DLGAP2: variants seen among roughly 807,000 people sequenced by gnomAD.
The protein encoded by DLGAP2 is disks large-associated protein 2.
DLGAP2 carries 26 observed loss-of-function variants against 100.3 expected under a neutral mutation model. The ratio of observed to expected loss-of-function variants is 0.26; its 90% CI spans 0.19 to 0.36. The LOEUF (loss-of-function observed/expected upper bound fraction) is 0.36, where lower values mean the gene tolerates loss of function less well. DLGAP2 is among the 10% of genes least tolerant of loss of function. The pLI is 1.00. For synonymous variants in DLGAP2, 886 were observed against 630.1 expected (o/e 1.41, Z -6.08); for missense variants, 1,858 against 1,453.2 (o/e 1.28, Z -4.53).
chr8:942,204 C>T (rs916733727), intron 2 of DLGAP2, among the ~76,000 whole-genome samples: 2 of 152,172 alleles, frequency 1.3e-5, no homozygotes, highest in African/African-American at 4.8e-5. Flanking sequence ...CTATTTCAGC[C>T]TTCCAAAGTG....
At chr8:1,699,816 G>T (rs1799517473) in intron 14 of DLGAP2, among the ~76,000 whole-genome samples, 1 of 152,124 alleles carries the variant, frequency 6.6e-6, no homozygotes. Context: ...CACACCCACA[G>T]GCCTGGAAGC....
At chr8:1,570,083 G>C (rs150752405) in intron 6 of DLGAP2, among the ~76,000 whole-genome samples, 34 of 152,376 alleles carry the variant, frequency 2.2e-4, no homozygotes, top group African/African-American at 7.9e-4. Flanking sequence ...GGAAACAAGG[G>C]CACGCTGAGC....
At chr8:1,446,961 G>A (rs1797999709) in intron 3 of DLGAP2, among the ~76,000 whole-genome samples, 1 of 152,306 alleles carries the variant, frequency 6.6e-6, no homozygotes, top group Admixed American at 6.5e-5. Context: ...AGACTTTGCT[G>A]AAGTTGCTTA....
rs143830883 is a variant in DLGAP2 at position 958,907 on chromosome 8, T to A, written c.73+50941T>A. 7.2e-5 allele frequency among the ~76,000 whole-genome samples: 11 copies of A among 152,258 alleles called. No homozygotes were observed. In the East Asian group the frequency reaches 1.9e-3, roughly 27 times the overall value. On this transcript the variant is annotated intron_variant, in intron 2 of 14. Coordinates refer to ENST00000637795, the MANE Select transcript of DLGAP2 (RefSeq NM_001346810.2). ...CAAACTATGCAATGAGAACATAAGG[T>A]GGCTTGATATGATTTTATTAAAGAA...
intron 3 of DLGAP2, among the ~76,000 whole-genome samples, chr8:1,320,526 G>A (rs1276262870): frequency 1.3e-5 from 2 of 152,186 alleles, no homozygotes; most frequent in Non-Finnish European, 2.9e-5. Flanking sequence ...GCACAGAGCC[G>A]TGGGTCCCAC....
intron 4 of DLGAP2, among the ~76,000 whole-genome samples, chr8:1,538,153 C>A (rs1801220091): frequency 6.6e-6 from 1 of 152,190 alleles, no homozygotes; most frequent in African/African-American, 2.4e-5. Flanking sequence ...TCAGTCCTCC[C>A]TGCATTCCCT....
chr8:859,094 A>C (rs116037075), intron 1 of DLGAP2, among the ~76,000 whole-genome samples: 1 of 149,084 alleles, frequency 6.7e-6, no homozygotes. Context: ...TGAGACATAG[A>C]CCAGCCCCAC....
intron 6 of DLGAP2, among the ~76,000 whole-genome samples, chr8:1,593,649 G>A (rs1196023060): frequency 6.6e-6 from 1 of 151,920 alleles, no homozygotes; most frequent in African/African-American, 2.4e-5. Flanking sequence ...CCCAGGGGAG[G>A]GAAGGATCAG....
chr8:1,406,929 G>A (rs1187094825), intron 3 of DLGAP2, among the ~76,000 whole-genome samples: 1 of 40,738 alleles, frequency 2.5e-5, no homozygotes, highest in African/African-American at 1.5e-4. Context: ...CTCCGGAGTC[G>A]TGTATTGAGT....
At chr8:1,037,000 A>G (rs1410537640) in intron 2 of DLGAP2, among the ~76,000 whole-genome samples, 1 of 152,040 alleles carries the variant, frequency 6.6e-6, no homozygotes, top group Non-Finnish European at 1.5e-5. Flanking sequence ...CTCCTGAGCC[A>G]GTGACTGGGG....
At chr8:1,296,869 G>A (rs1055300558) in intron 3 of DLGAP2, among the ~76,000 whole-genome samples, 2 of 152,172 alleles carry the variant, frequency 1.3e-5, no homozygotes, top group African/African-American at 4.8e-5. Flanking sequence ...GTTTCATGCG[G>A]GGCTCAGAAA....
At chr8:1,149,257 C>T (rs10105564) in intron 2 of DLGAP2, among the ~76,000 whole-genome samples, 99,849 of 151,956 alleles carry the variant, frequency 0.66, 34,529 homozygotes, top group Non-Finnish European at 0.78. Flanking sequence ...GCCATTCTCC[C>T]GCCTCAGCCT....
intron 2 of DLGAP2, among the ~76,000 whole-genome samples, chr8:954,424 G>C (rs766606544): frequency 6.6e-6 from 1 of 152,102 alleles, no homozygotes; most frequent in Admixed American, 6.6e-5. Flanking sequence ...AAATGTTCAC[G>C]GACGCAGTAT....
At position 808,536 on chromosome 8, in the gene DLGAP2, C is replaced by T. The variant is rs1796310555; in HGVS notation, c.18+70711C>T. 5.9e-5 allele frequency among the ~76,000 whole-genome samples: 9 copies of T among 152,180 alleles called. 1 individual carries two copies. The highest frequency in any genetic ancestry group is 5.9e-4 in the Admixed American group (9 of 15,282). ...GATTCCTTCCTCATCTGAATGGAAC[C>T]ACAGAAACTGAAGGGTGGGGTTGGT... is the stretch of plus-strand genomic sequence containing the variant. On this transcript the variant is annotated intron_variant, in intron 1 of 14. Coordinates refer to ENST00000637795, the MANE Select transcript of DLGAP2 (RefSeq NM_001346810.2).
At chr8:1,588,168 G>A (rs1796182535) in intron 6 of DLGAP2, among the ~76,000 whole-genome samples, 1 of 152,180 alleles carries the variant, frequency 6.6e-6, no homozygotes, top group Admixed American at 6.5e-5. Flanking sequence ...AACAGCAGCA[G>A]CACGGATAGT....
chr8:1,418,648 AT>A (rs925987374), intron 3 of DLGAP2, among the ~76,000 whole-genome samples: 50 of 151,190 alleles, frequency 3.3e-4, no homozygotes, highest in African/African-American at 1.2e-3. Flanking sequence ...GAAAAATTCC[AT>A]TTTTTTTTCT....
intron 3 of DLGAP2, among the ~76,000 whole-genome samples, chr8:1,485,603 G>C (rs1256178750): frequency 6.6e-6 from 1 of 152,244 alleles, no homozygotes; most frequent in African/African-American, 2.4e-5. Flanking sequence ...TTGGTTCACT[G>C]AAGGAGAACG....
Position 1,106,676 on chromosome 8 carries a change from G to A in DLGAP2, c.74-152175G>A, listed in dbSNP as rs531167012. Among the ~76,000 whole-genome samples, 8 of 150,654 alleles carry A rather than the reference G, an allele frequency of 5.3e-5. No individual in the cohort carries two copies. In the South Asian group the frequency reaches 1.7e-3, roughly 32 times the overall value. ...TTTCTATTGAAGGGAGCCATTCTAGGAGGGTTTTCTACTGAAGGAGGCCAT... is the reference window on the plus strand; with the variant it reads ...TTTCTATTGAAGGGAGCCATTCTAGAAGGGTTTTCTACTGAAGGAGGCCAT... On this transcript the variant is annotated intron_variant, in intron 2 of 14. Transcript: ENST00000637795.
intron 3 of DLGAP2, among the ~76,000 whole-genome samples, chr8:1,427,647 T>G (rs1322549517): frequency 6.6e-6 from 1 of 152,180 alleles, no homozygotes; most frequent in Non-Finnish European, 1.5e-5. Context: ...TCTGTTGTCT[T>G]GATAGTGAAT....
Sources: allele counts gnomAD v4.1 joint callset (sites outside exome capture counted in the v4.1 genomes callset), GRCh38; gene constraint gnomAD v4.1.1; transcripts MANE v1.5; gene names NCBI Gene and HGNC (gene_info 2026-07-23, HGNC 2026-07-21).